SUPT16H: variants seen among roughly 807,000 people sequenced by gnomAD.
SUPT16H encodes FACT complex subunit SPT16.
SUPT16H carries 24 observed loss-of-function variants against 136.2 expected under a neutral mutation model. The observed-to-expected ratio is 0.18, with a 90% CI of 0.13 to 0.25. The LOEUF (loss-of-function observed/expected upper bound fraction) is 0.25. SUPT16H is among the 10% of genes least tolerant of loss of function. SUPT16H has a pLI of 1.00. For synonymous variants in SUPT16H, 415 were observed against 428.2 expected, an observed-to-expected ratio of 0.97 and a Z score of 0.38; for missense variants, 623 against 1,270.2, an observed-to-expected ratio of 0.49 and a Z score of 7.74.
At chr14:21,359,758 G>C (rs1886511106) in intron 18 of SUPT16H, 149 bp from the exon 19 acceptor site, 1 of 911,638 alleles carries the variant, frequency 1.1e-6, no homozygotes, top group Non-Finnish European at 1.6e-6. Context: ...TGATGCTTGG[G>C]AATGGAAACA....
At position 21,372,027 on chromosome 14, in the gene SUPT16H, A is replaced by G. The variant is rs2139413201; in HGVS notation, c.177T>C (p.Tyr59=). The G allele has an allele frequency of 6.2e-7, 1 of 1,612,980 alleles. No individual in the cohort carries two copies. ...STALQTWLFG[Y]ELTDTIMVFC... The stretch of plus-strand genomic sequence containing the variant: ...AGACCATGATAGTATCAGTTAGTTC[A>G]TAACCAAAGAGCCATGTCTATGGAA... The change falls in exon 3 of 26, where the codon TAT becomes TAC. Residue 59 remains tyrosine (Y), a synonymous_variant. Coordinates refer to ENST00000216297, the MANE Select transcript of SUPT16H (RefSeq NM_007192.4).
chr14:21,378,056 T>G (rs980555050), intron 1 of SUPT16H, among the ~76,000 whole-genome samples: 1 of 151,986 alleles, frequency 6.6e-6, no homozygotes, highest in African/African-American at 2.4e-5. Context: ...CCTATACAGA[T>G]GGAGCAGGAT....
intron 5 of SUPT16H, 33 bp downstream of exon 5, chr14:21,369,717 A>C: frequency 6.2e-7 from 1 of 1,612,362 alleles, no homozygotes; most frequent in East Asian, 2.2e-5. Context: ...TGCTTCATTA[A>C]AACAGTAAAA....
At chr14:21,372,675 G>T (rs1480081015) in intron 2 of SUPT16H, 1 of 454,674 alleles carries the variant, frequency 2.2e-6, no homozygotes, top group East Asian at 7.0e-5. Context: ...ATGTTCTTTG[G>T]GTGGCAGAAC....
chr14:21,381,795 T>TC (rs1887032022), intron 1 of SUPT16H, among the ~76,000 whole-genome samples: 1 of 150,468 alleles, frequency 6.6e-6, no homozygotes, highest in Non-Finnish European at 1.5e-5. Context: ...CCTTTTTTTT[T>TC]TTTTTGTAGA....
At chr14:21,378,571 C>A (rs1281564417) in intron 1 of SUPT16H, among the ~76,000 whole-genome samples, 1 of 152,072 alleles carries the variant, frequency 6.6e-6, no homozygotes, top group Non-Finnish European at 1.5e-5. Context: ...TTCAACTTTT[C>A]TGTCTTTAAA....
chr14:21,382,594 G>A (rs1887053519), intron 1 of SUPT16H, among the ~76,000 whole-genome samples: 1 of 152,002 alleles, frequency 6.6e-6, no homozygotes, highest in South Asian at 2.1e-4. Flanking sequence ...AGAGGGCTTC[G>A]GATTTTTAGT....
intron 1 of SUPT16H, among the ~76,000 whole-genome samples, chr14:21,380,169 AT>A (rs1046214148): frequency 2.0e-5 from 3 of 152,214 alleles, no homozygotes; most frequent in African/African-American, 7.2e-5. Context: ...GAAATAAAAA[AT>A]AATGGGAGGA....
At chr14:21,370,827 G>A (rs1886770644) in intron 3 of SUPT16H, among the ~76,000 whole-genome samples, 1 of 150,910 alleles carries the variant, frequency 6.6e-6, no homozygotes, top group African/African-American at 2.4e-5. Context: ...CCAGGCTGGA[G>A]TGCAGCGGCG....
chr14:21,379,117 T>C (rs528683912), intron 1 of SUPT16H, among the ~76,000 whole-genome samples: 1 of 152,138 alleles, frequency 6.6e-6, no homozygotes, highest in Non-Finnish European at 1.5e-5. Flanking sequence ...TAGTTGTTAA[T>C]AGGGATAAAA....
At chr14:21,375,177 T>C (rs1205952079) in intron 1 of SUPT16H, among the ~76,000 whole-genome samples, 1 of 151,964 alleles carries the variant, frequency 6.6e-6, no homozygotes, top group South Asian at 2.1e-4. Flanking sequence ...CACGCCCAGC[T>C]AATTTTTATA....
chr14:21,372,434 A>G (rs1473885356), intron 2 of SUPT16H: 1 of 312,722 alleles, frequency 3.2e-6, no homozygotes, highest in African/African-American at 2.2e-5. Flanking sequence ...CCTACCAATT[A>G]TTCATTTCTC....
At chr14:21,357,397 T>C in intron 21 of SUPT16H, 31 bp from the exon 22 acceptor site, 1 of 1,528,336 alleles carries the variant, frequency 6.5e-7, no homozygotes, top group Non-Finnish European at 8.8e-7. Flanking sequence ...CATTAGCATA[T>C]AAGTATTTCC....
chr14:21,360,347 GGAAA>G, intron 18 of SUPT16H, 64 bp downstream of exon 18: 14 of 1,259,864 alleles, frequency 1.1e-5, no homozygotes, highest in Non-Finnish European at 1.6e-5. Flanking sequence ...CTATTTTATA[GGAAA>G]GAAGCTGAGT....
chr14:21,362,165 G>GA (rs1328497271), intron 15 of SUPT16H, 32 bp downstream of exon 15: 1 of 1,603,522 alleles, frequency 6.2e-7, no homozygotes, highest in African/African-American at 1.3e-5. Flanking sequence ...CAGACAAGAT[G>GA]AATCTGGGTA....
chr14:21,355,149 A>T (rs1380633855), intron 22 of SUPT16H, among the ~76,000 whole-genome samples: 1 of 152,126 alleles, frequency 6.6e-6, no homozygotes, highest in African/African-American at 2.4e-5. Context: ...AAGTAGTCTT[A>T]ACTCATAACC....
intron 6 of SUPT16H, among the ~76,000 whole-genome samples, chr14:21,368,986 G>A (rs1418751704): frequency 1.3e-5 from 2 of 151,998 alleles, no homozygotes; most frequent in Middle Eastern, 3.2e-3. Flanking sequence ...TAAGATAGAA[G>A]GAATAAATTC....
At chr14:21,373,261 A>T in intron 2 of SUPT16H, 77 bp downstream of exon 2, 1 of 1,190,036 alleles carries the variant, frequency 8.4e-7, no homozygotes, top group Non-Finnish European at 1.2e-6. Context: ...TTTAAGTTTT[A>T]ATGTGGCTAC....
At chr14:21,364,498 T>G (rs2139404594) in intron 10 of SUPT16H, among the ~76,000 whole-genome samples, 2 of 152,320 alleles carry the variant, frequency 1.3e-5, no homozygotes, top group Middle Eastern at 3.4e-3. Flanking sequence ...ATTGTACATA[T>G]CAGGTGGGTG....
Sources: gnomAD v4.1 joint callset for allele counts (sites outside exome capture counted in the v4.1 genomes callset) on GRCh38, gnomAD v4.1.1 for gene constraint, MANE v1.5 for transcripts, NCBI Gene and HGNC (gene_info 2026-07-23, HGNC 2026-07-21) for gene names.